The following CFAP46 variants were observed in gnomAD, a reference collection of about 807,000 sequenced individuals.
CFAP46 encodes the protein cilia- and flagella-associated protein 46.
Under a neutral mutation model 325.7 loss-of-function variants are expected in CFAP46, and 245 were observed. That is an observed-to-expected ratio of 0.75 (90% CI 0.68 to 0.84). The LOEUF (loss-of-function observed/expected upper bound fraction) is 0.84, where lower values mean the gene tolerates loss of function less well. Ranked by LOEUF, CFAP46 falls within the 40% of genes least tolerant of loss-of-function variation. CFAP46 has a pLI of 0.00. For missense variants in CFAP46, 3,346 were observed against 3,543.0 expected, an observed-to-expected ratio of 0.94 and a Z score of 1.41; for synonymous variants, 1,523 against 1,495.9, an observed-to-expected ratio of 1.02 and a Z score of -0.42.
At position 132,941,603 on chromosome 10, in the gene CFAP46, C is replaced by T. The variant is rs143120032; in HGVS notation, c.294G>A (p.Ser98=). The change falls in exon 3 of 58, where the codon TCG becomes TCA. Residue 98 remains serine (S), a synonymous_variant. Transcript: ENST00000368586. ...GGACGCCTCTCACCAGGTTTTCTGC[C>T]GACTTCGGGGCACACATCTGGGCCC... ...LCRAQMCAPK[S]AENLEEFENC... 1.2e-5 allele frequency: 19 copies of T among 1,612,448 alleles called. No homozygotes were observed. The highest frequency in any genetic ancestry group is 5.3e-5 in the African/African-American group (4 of 74,878).
chr10:132,819,412 C>A (rs1184078727), intron 50 of CFAP46, among the ~76,000 whole-genome samples: 1 of 152,150 alleles, frequency 6.6e-6, no homozygotes, highest in Non-Finnish European at 1.5e-5. Flanking sequence ...TTATGAGGAG[C>A]CACAAAAGAC....
chr10:132,911,976 G>A (rs11146589), intron 19 of CFAP46, among the ~76,000 whole-genome samples: 1 of 151,982 alleles, frequency 6.6e-6, no homozygotes, highest in Admixed American at 6.6e-5. Flanking sequence ...TTCCTAGATT[G>A]TTCTCACGTC....
intron 4 of CFAP46, among the ~76,000 whole-genome samples, chr10:132,940,562 G>A (rs1357325356): frequency 1.3e-5 from 2 of 152,080 alleles, no homozygotes; most frequent in African/African-American, 2.4e-5. Flanking sequence ...GCCCGGGGAG[G>A]CCCTGGAGAA....
chr10:132,876,753 G>A lies in CFAP46; in HGVS notation c.4362+59C>T. 1 of 1,503,998 alleles carries A rather than the reference G, an allele frequency of 6.6e-7. No individual in the cohort carries two copies. The highest frequency in any genetic ancestry group is 1.3e-5 in the South Asian group (1 of 76,890). The allele number at this position is 1,503,998 out of a possible 1,614,324, so 93.2% of individuals were successfully genotyped here. A position where few individuals can be genotyped will look rare whatever the true frequency, so the allele number is the denominator to read the frequency against. ...ACAGTGAAAACTGGACTTGGGGACA[G>A]GTCAAGGGGACACCATGCTGTGACC... On this transcript the variant is annotated intron_variant, in intron 31 of 57. Transcript: ENST00000368586. This position sits in a 1 kb window ranked among gnomAD's most constrained non-coding sequence, Gnocchi z 4.1.
chr10:132,929,621 C>T, intron 9 of CFAP46, 84 bp downstream of exon 9: 2 of 1,320,938 alleles, frequency 1.5e-6, no homozygotes, highest in Non-Finnish European at 2.2e-6. Flanking sequence ...GCCTGGTGAA[C>T]TGCTCTTCCT....
rs1245641049 is a variant in CFAP46 at position 132,885,812 on chromosome 10, A to G, written c.3443+9T>C. ...GGGAGCACTCACAGGCGGTGGGGGG[A>G]GCACTCACAGGCGGTGGGCCGTCCT... On this transcript the variant is annotated intron_variant, in intron 26 of 57. Transcript: ENST00000368586. The G allele has an allele frequency of 1.3e-6, 2 of 1,541,806 alleles. No homozygotes were observed. The highest frequency in any genetic ancestry group is 1.7e-6 in the Non-Finnish European group (2 of 1,143,724).
Position 132,922,629 on chromosome 10 carries a change from T to A in CFAP46, c.1336A>T (p.Thr446Ser). 4.5e-6 allele frequency: 7 copies of A among 1,549,800 alleles called. No individual in the cohort carries two copies. The highest frequency in any genetic ancestry group is 6.1e-6 in the Non-Finnish European group (7 of 1,146,838). ...EEDEDRLEPA[T>S]EHLRKAARLD... Reference sequence around the variant, plus strand: ...CGCGCGGCTTTCCGGAGGTGCTCCGTGGCGGGCTCCAGCCGGTCCTCGTCC... The same window carrying A: ...CGCGCGGCTTTCCGGAGGTGCTCCGAGGCGGGCTCCAGCCGGTCCTCGTCC... Residue 446 changes from threonine to serine, a missense_variant, in exon 12 of 58, where the codon ACG becomes TCG. Physicochemically the swap from Thr to Ser is moderately conservative, Grantham distance 58. Coordinates refer to ENST00000368586, the MANE Select transcript of CFAP46 (RefSeq NM_001200049.3).
chr10:132,898,744 G>T (rs904127302), intron 24 of CFAP46: 2 of 678,444 alleles, frequency 2.9e-6, no homozygotes, highest in African/African-American at 3.5e-5. Context: ...TGTGTTGCTG[G>T]GAGAGGTCAG....
At chr10:132,897,501 G>T (rs970274390) in intron 24 of CFAP46, among the ~76,000 whole-genome samples, 1 of 152,242 alleles carries the variant, frequency 6.6e-6, no homozygotes, top group African/African-American at 2.4e-5. Context: ...ATCTAGGTCA[G>T]CCAGGACTCT....
chr10:132,824,560 CTG>C (rs1219636142), intron 50 of CFAP46, among the ~76,000 whole-genome samples: 2 of 91,826 alleles, frequency 2.2e-5, no homozygotes, highest in Admixed American at 2.6e-4. Context: ...CTGATGTGTG[CTG>C]TGTGTGTGCT....
chr10:132,873,006 T>C (rs1397921921), intron 31 of CFAP46, among the ~76,000 whole-genome samples, 182 bp from the exon 32 acceptor site: 1 of 152,224 alleles, frequency 6.6e-6, no homozygotes, highest in African/African-American at 2.4e-5. Context: ...GGATGGAGGC[T>C]GTGCTATCTT....
At chr10:132,942,382 G>A in intron 1 of CFAP46, 54 bp downstream of exon 1, 1 of 1,354,446 alleles carries the variant, frequency 7.4e-7, no homozygotes. Context: ...GGCGGGGGTC[G>A]TGGCGGGTCC....
intron 17 of CFAP46, among the ~76,000 whole-genome samples, chr10:132,913,773 G>C (rs1048722210): frequency 6.6e-6 from 1 of 152,062 alleles, no homozygotes; most frequent in Admixed American, 6.5e-5. Flanking sequence ...GTGGAGCCCT[G>C]GGCTCAGAAA....
At position 132,880,965 on chromosome 10, in the gene CFAP46, T is replaced by C; in HGVS notation, c.3695A>G (p.His1232Arg). ...MEFGQWLHHR[H>R]FPLEDVVFHL... ...GAAGACCACGTCCTCGAGAGGAAAG[T>C]GTCTGTGATGGAGCCACTGGCCGAA... Residue 1232 changes from histidine (H) to arginine (R), a missense_variant, in exon 28 of 58, where the codon CAC (histidine) becomes CGC (arginine). His to Arg is a conservative substitution (Grantham distance 29). Coordinates refer to ENST00000368586, the MANE Select transcript of CFAP46 (RefSeq NM_001200049.3). 6.4e-7 allele frequency: 1 copy of C among 1,550,468 alleles called. No homozygotes were observed. Among genetic ancestry groups the C allele is most frequent in the Non-Finnish European group, 8.7e-7 (1 of 1,146,962 alleles).
chr10:132,824,711 G>GA (rs1449588664), intron 50 of CFAP46, among the ~76,000 whole-genome samples: 3 of 65,920 alleles, frequency 4.6e-5, no homozygotes, highest in East Asian at 3.0e-4. Flanking sequence ...GATGTGTGCT[G>GA]TGTGTGTACT....
At position 132,808,439 on chromosome 10, in the gene CFAP46, C is replaced by T. The variant is rs985135021; in HGVS notation, c.8130G>A (p.Val2710=). The T allele has an allele frequency of 1.9e-6, 3 of 1,605,872 alleles. No individual in the cohort carries two copies. Among genetic ancestry groups the T allele is most frequent in the Non-Finnish European group, 1.7e-6 (2 of 1,174,012 alleles). ...SCLDQKTIQT[V]SLFLI ...GGAACACTCAAATCAAAAACAGGCT[C>T]ACGGTCTGAATAGTCTTCTGGTCTA... The change falls in exon 58 of 58, where the codon GTG becomes GTA. Residue 2710 remains valine, a synonymous_variant. Transcript: ENST00000368586. This position sits in a 1 kb window ranked among gnomAD's most constrained non-coding sequence, Gnocchi z 6.8.
At chr10:132,815,409 G>A (rs534837002) in intron 50 of CFAP46, among the ~76,000 whole-genome samples, 30 of 152,308 alleles carry the variant, frequency 2.0e-4, no homozygotes, top group Middle Eastern at 3.4e-3. Flanking sequence ...ATGGACGCAC[G>A]CATGGGGCCC....
chr10:132,852,416 C>T (rs1377549849), intron 39 of CFAP46, among the ~76,000 whole-genome samples: 11 of 114,360 alleles, frequency 9.6e-5, no homozygotes, highest in East Asian at 5.6e-4. Flanking sequence ...GTGGTATGTT[C>T]CTCCATTTAC....
At position 132,891,573 on chromosome 10, in the gene CFAP46, G is replaced by A. The variant is rs151123939; in HGVS notation, c.3304+760C>T. The stretch of plus-strand genomic sequence containing the variant: ...GACATATTTTGAAGGGGCCCGCACA[G>A]CTGTCTCTTGTGGGGAAAATCCACA... On this transcript the variant is annotated intron_variant, in intron 25 of 57. Transcript: ENST00000368586. 3.7e-4 allele frequency among the ~76,000 whole-genome samples: 57 copies of A among 152,360 alleles called. 2 individuals are homozygous for A. The East Asian group carries it at 0.011, about 29-fold the overall frequency.
Sources: gnomAD v4.1 joint callset for allele counts (sites outside exome capture counted in the v4.1 genomes callset) on GRCh38, gnomAD v4.1.1 for gene constraint, Gnocchi (gnomAD v3.1) non-coding constraint, MANE v1.5 for transcripts, NCBI Gene and HGNC (gene_info 2026-07-23, HGNC 2026-07-21) for gene names.